The following GPM6B variants were observed in gnomAD, a reference collection of about 807,000 sequenced individuals.
GPM6B encodes neuronal membrane glycoprotein M6-b.
Under a neutral mutation model 27.2 loss-of-function variants are expected in GPM6B, and 4 were observed. The ratio of observed to expected loss-of-function variants is 0.15; its 90% CI spans 0.07 to 0.34. The LOEUF (loss-of-function observed/expected upper bound fraction) is 0.34. GPM6B is among the 10% of genes least tolerant of loss of function. The probability of loss-of-function intolerance (pLI) is 1.00; values close to 1 mark genes in which losing one functional copy is unlikely to be tolerated. For synonymous variants in GPM6B, 124 were observed against 103.1 expected (o/e 1.20, Z -1.23); for missense variants, 183 against 261.9 (o/e 0.70, Z 2.08).
chrX:13,884,313 T>C (rs1326097571), intron 1 of GPM6B, among the ~76,000 whole-genome samples: 1 of 112,838 alleles, frequency 8.9e-6, no homozygotes, highest in African/African-American at 3.2e-5. Context: ...TAGAATACTC[T>C]AGAATAGTTC....
chrX:13,844,216 G>T (rs929343981), intron 1 of GPM6B, among the ~76,000 whole-genome samples: 14 of 111,763 alleles, frequency 1.3e-4, no homozygotes, highest in Admixed American at 1.2e-3. Flanking sequence ...TAAACATAAG[G>T]GTTATTTCTG....
upstream of GPM6B, among the ~76,000 whole-genome samples, chrX:13,819,165 T>C (rs1007784704): frequency 8.9e-6 from 1 of 112,390 alleles, no homozygotes; most frequent in African/African-American, 3.2e-5. Context: ...CCTGAAAAAC[T>C]ACATGGAAAT....
intron 1 of GPM6B, among the ~76,000 whole-genome samples, chrX:13,828,001 G>A (rs1234239389): frequency 9.0e-6 from 1 of 111,158 alleles, no homozygotes; most frequent in Non-Finnish European, 1.9e-5. Flanking sequence ...GCACACAGAT[G>A]CCCACATACC....
chrX:13,894,891 T>C (rs1054922761), intron 1 of GPM6B, among the ~76,000 whole-genome samples: 2 of 111,891 alleles, frequency 1.8e-5, no homozygotes, highest in Non-Finnish European at 3.8e-5. Flanking sequence ...AGGCCTCCCA[T>C]ACACTCCCCC....
chrX:13,815,546 C>T (rs1458813992), intron 1 of GPM6B, among the ~76,000 whole-genome samples: 1 of 109,269 alleles, frequency 9.2e-6, no homozygotes, highest in Non-Finnish European at 1.9e-5. Context: ...ACTAAACAAA[C>T]GATTTTAAAA....
intron 1 of GPM6B, among the ~76,000 whole-genome samples, chrX:13,860,172 G>T (rs752935460): frequency 1.8e-5 from 2 of 111,991 alleles, no homozygotes; most frequent in South Asian, 7.4e-4. Context: ...AATTTTAGAA[G>T]GAAAAAACAA....
chrX:13,930,626 AGAAAC>A (rs1183825473), intron 1 of GPM6B, among the ~76,000 whole-genome samples: 1 of 111,786 alleles, frequency 8.9e-6, no homozygotes, highest in Non-Finnish European at 1.9e-5. Flanking sequence ...AAAAAAAAAA[AGAAAC>A]GAACAAGGGA....
At chrX:13,934,861 G>A (rs1406553293) in intron 1 of GPM6B, among the ~76,000 whole-genome samples, 1 of 111,557 alleles carries the variant, frequency 9.0e-6, no homozygotes, top group Non-Finnish European at 1.9e-5. Flanking sequence ...TGGGCAAGCT[G>A]GGGCAGGCAC....
At chrX:13,836,670 C>T (rs1277584959) in intron 1 of GPM6B, among the ~76,000 whole-genome samples, 1 of 112,582 alleles carries the variant, frequency 8.9e-6, no homozygotes. Flanking sequence ...AAGTACTCAA[C>T]ACAAACCTAG....
chrX:13,780,176 A>G (rs1006767820), intron 4 of GPM6B, among the ~76,000 whole-genome samples, 187 bp from the exon 5 acceptor site: 2 of 111,706 alleles, frequency 1.8e-5, no homozygotes, highest in Admixed American at 9.4e-5. Context: ...AGCCAGCCAC[A>G]TTCCCCAGAG....
intron 2 of GPM6B, among the ~76,000 whole-genome samples, chrX:13,799,136 A>T (rs961352627): frequency 9.2e-6 from 1 of 109,283 alleles, no homozygotes; most frequent in African/African-American, 3.3e-5. Flanking sequence ...TCATCCCACA[A>T]AGTTAACCCT....
intron 1 of GPM6B, chrX:13,889,346 T>A (rs1212995404): frequency 8.9e-6 from 1 of 111,811 alleles, no homozygotes; most frequent in East Asian, 2.8e-4. Flanking sequence ...GTACTAGTAG[T>A]AAAACCACCT....
In GPM6B at chrX:13,772,542, G is replaced by A. The variant is rs1217298463; in HGVS notation, c.*339C>T. The A allele has an allele frequency of 6.1e-6, 1 of 164,222 alleles. No homozygotes were observed. Among genetic ancestry groups the A allele is most frequent in the Non-Finnish European group, 1.2e-5 (1 of 85,659 alleles). 13.5% of individuals were successfully genotyped at this position (164,222 alleles called of 1,213,427 possible). On this transcript the variant is annotated 3_prime_UTR_variant, in exon 8 of 8. Transcript: ENST00000316715. ...ACAGGTCCTTATTAAGGAGTCACAG[G>A]TCCCTATTAAGGAGTGTGACATATT...
Position 13,782,873 on chromosome X carries a change from T to TAA in GPM6B, c.525+490_525+491dup, listed in dbSNP as rs760352093. On this transcript the variant is annotated intron_variant, in intron 4 of 7. Coordinates refer to ENST00000316715, the MANE Select transcript of GPM6B (RefSeq NM_001001995.3). ...GTTTGCTAACCCCTGTCTTAGACTA[T>TAA]AAGCTGCTTGAGAAAGCAGCCTGTG... 9.8e-5 allele frequency among the ~76,000 whole-genome samples: 11 copies of TAA among 111,985 alleles called. No individual in the cohort carries two copies. In the East Asian group the frequency reaches 3.1e-3, roughly 31 times the overall value.
chrX:13,899,341 G>A (rs2050260439), intron 1 of GPM6B, among the ~76,000 whole-genome samples: 1 of 97,530 alleles, frequency 1.0e-5, no homozygotes, highest in Non-Finnish European at 2.0e-5. Context: ...AACCCAAGAG[G>A]TAGAGGTTGC....
At chrX:13,838,365 G>T (rs2049531754) in intron 1 of GPM6B, among the ~76,000 whole-genome samples, 1 of 112,055 alleles carries the variant, frequency 8.9e-6, no homozygotes, top group Non-Finnish European at 1.9e-5. Context: ...CAAAAGAAAT[G>T]ATTTGTGTTC....
At chrX:13,774,064 A>C in intron 7 of GPM6B, 11 of 751,027 alleles carry the variant, frequency 1.5e-5, no homozygotes, top group Non-Finnish European at 1.7e-5. Context: ...GATCATAAAA[A>C]AATTGTTTTC....
chrX:13,817,992 G>A (rs778472370), upstream of GPM6B, among the ~76,000 whole-genome samples: 1 of 111,965 alleles, frequency 8.9e-6, no homozygotes, highest in Non-Finnish European at 1.9e-5. Context: ...ACTCCAAATC[G>A]AAGGGGTGTT....
intron 1 of GPM6B, among the ~76,000 whole-genome samples, chrX:13,866,858 T>A (rs1466335617): frequency 9.0e-6 from 1 of 111,490 alleles, no homozygotes; most frequent in Non-Finnish European, 1.9e-5. Context: ...GTAATACGAA[T>A]GGAGTCAGAG....
Sources: gnomAD v4.1 joint callset for allele counts (sites outside exome capture counted in the v4.1 genomes callset) on GRCh38, gnomAD v4.1.1 for gene constraint, MANE v1.5 for transcripts, NCBI Gene and HGNC (gene_info 2026-07-23, HGNC 2026-07-21) for gene names.